Variants in NPFFR2 observed in about 807,000 individuals in gnomAD.
NPFFR2 encodes the protein G-protein coupled receptor 74.
A neutral mutation model predicts 13.1 loss-of-function variants in NPFFR2; 15 were observed. That is an observed-to-expected ratio of 1.15 (90% CI 0.77 to 1.76). The LOEUF is 1.76. NPFFR2 is among the 40% of genes most tolerant of loss of function. The pLI, the probability that NPFFR2 is intolerant of heterozygous loss-of-function variation, is 0.00. For missense variants in NPFFR2, 572 were observed against 503.5 expected (o/e 1.14, Z -1.30); for synonymous variants, 190 against 175.7 (o/e 1.08, Z -0.65).
At chr4:72,145,265 A>AT (rs5859303) in intron 3 of NPFFR2, among the ~76,000 whole-genome samples, 73,768 of 148,456 alleles carry the variant, frequency 0.5, 21,202 homozygotes, top group African/African-American at 0.78. Context: ...AAGTACATAT[A>AT]TTGTTATAAA....
chr4:72,124,534 G>T (rs2109830684), intron 1 of NPFFR2, among the ~76,000 whole-genome samples: 1 of 152,194 alleles, frequency 6.6e-6, no homozygotes, highest in South Asian at 2.1e-4. Flanking sequence ...TTACAGTACG[G>T]TTTGGTACCA....
chr4:72,119,527 A>C (rs1338554401), intron 1 of NPFFR2, among the ~76,000 whole-genome samples: 1 of 152,200 alleles, frequency 6.6e-6, no homozygotes, highest in Non-Finnish European at 1.5e-5. Flanking sequence ...TGCAGCTCCC[A>C]GCGAGATCAA....
At chr4:72,139,330 G>A (rs1722521581) in intron 3 of NPFFR2, among the ~76,000 whole-genome samples, 1 of 152,106 alleles carries the variant, frequency 6.6e-6, no homozygotes, top group Non-Finnish European at 1.5e-5. Context: ...TGAAGTCCTT[G>A]CCCATTCCTA....
chr4:72,111,023 C>T (rs900938630), intron 1 of NPFFR2, among the ~76,000 whole-genome samples: 7 of 151,890 alleles, frequency 4.6e-5, no homozygotes, highest in Admixed American at 3.9e-4. Context: ...ATTCTGTAAG[C>T]GATAATTTTT....
chr4:72,103,672 A>G (rs1721324385), intron 1 of NPFFR2, among the ~76,000 whole-genome samples: 1 of 152,074 alleles, frequency 6.6e-6, no homozygotes, highest in African/African-American at 2.4e-5. Context: ...AAGGCAATAA[A>G]CTTTCCTTTA....
At chr4:72,034,240 A>G (rs189063974) in intron 1 of NPFFR2, among the ~76,000 whole-genome samples, 123 of 152,364 alleles carry the variant, frequency 8.1e-4, no homozygotes, top group African/African-American at 2.9e-3. Flanking sequence ...TCATGCTGCT[A>G]TAAAGGACTG....
chr4:72,111,505 T>C (rs1163670145), intron 1 of NPFFR2, among the ~76,000 whole-genome samples: 1 of 151,958 alleles, frequency 6.6e-6, no homozygotes, highest in East Asian at 1.9e-4. Flanking sequence ...ACAGTTAACC[T>C]TCAGGGACTG....
chr4:72,092,484 G>A (rs538345821), intron 1 of NPFFR2, among the ~76,000 whole-genome samples: 1 of 152,090 alleles, frequency 6.6e-6, no homozygotes, highest in South Asian at 2.1e-4. Context: ...CATTTCTTAG[G>A]TTTAATAGTA....
At chr4:72,136,469 C>T (rs1192255532) in intron 2 of NPFFR2, among the ~76,000 whole-genome samples, 4 of 152,128 alleles carry the variant, frequency 2.6e-5, no homozygotes, top group African/African-American at 4.8e-5. Context: ...TGAGGCATAG[C>T]GTGGCTGCCT....
chr4:72,127,491 G>A (rs1277512474), intron 1 of NPFFR2, among the ~76,000 whole-genome samples: 1 of 142,190 alleles, frequency 7.0e-6, no homozygotes, highest in Non-Finnish European at 1.5e-5. Flanking sequence ...AGCCTCCCGA[G>A]TAGCTGGGAC....
chr4:72,097,171 G>A (rs1721098412), intron 1 of NPFFR2, among the ~76,000 whole-genome samples: 1 of 151,742 alleles, frequency 6.6e-6, no homozygotes, highest in African/African-American at 2.4e-5. Flanking sequence ...TTCTACATAG[G>A]GCAAACTTTT....
At chr4:72,131,519 C>T (rs948613051) in intron 2 of NPFFR2, among the ~76,000 whole-genome samples, 6 of 151,444 alleles carry the variant, frequency 4.0e-5, no homozygotes, top group Admixed American at 2.6e-4. Flanking sequence ...GTGGGTGCAG[C>T]GCACCAGCAT....
chr4:72,130,073 A>T (rs959935919), intron 2 of NPFFR2, among the ~76,000 whole-genome samples: 1 of 149,522 alleles, frequency 6.7e-6, no homozygotes, highest in Non-Finnish European at 1.5e-5. Context: ...AAGGTCATAG[A>T]TTAACAGAAT....
intron 1 of NPFFR2, among the ~76,000 whole-genome samples, chr4:72,063,125 A>T (rs760829558): frequency 5.9e-5 from 9 of 152,156 alleles, no homozygotes; most frequent in Non-Finnish European, 8.8e-5. Context: ...CATCTTTTTG[A>T]TGCTTTTTCT....
chr4:72,137,415 C>A (rs1173263583), intron 2 of NPFFR2, among the ~76,000 whole-genome samples: 1 of 151,998 alleles, frequency 6.6e-6, no homozygotes, highest in Non-Finnish European at 1.5e-5. Context: ...TTTACAGTAG[C>A]TAAGGTTTAG....
At chr4:72,058,766 G>A (rs1009095382) in intron 1 of NPFFR2, among the ~76,000 whole-genome samples, 5 of 151,956 alleles carry the variant, frequency 3.3e-5, no homozygotes, top group Non-Finnish European at 2.9e-5. Context: ...GACTTTTTCA[G>A]TATCATGTCT....
At chr4:72,138,412 GC>G in intron 3 of NPFFR2, among the ~76,000 whole-genome samples, 2 of 130,212 alleles carry the variant, frequency 1.5e-5, no homozygotes, top group East Asian at 4.4e-4. Context: ...CCCTGCCCCT[GC>G]CCCCCCACCC....
chr4:72,132,919 C>A (rs544651598), intron 2 of NPFFR2, among the ~76,000 whole-genome samples: 4 of 152,076 alleles, frequency 2.6e-5, no homozygotes, highest in Admixed American at 6.5e-5. Flanking sequence ...GCAAAGTTTG[C>A]AAAAATTTTC....
chr4:72,095,005 A>AT (rs1264794705), intron 1 of NPFFR2, among the ~76,000 whole-genome samples: 1 of 152,158 alleles, frequency 6.6e-6, no homozygotes, highest in Non-Finnish European at 1.5e-5. Context: ...TGTTTCCTAT[A>AT]TTTTGTACAA....
Sources: allele counts gnomAD v4.1 joint callset (sites outside exome capture counted in the v4.1 genomes callset), GRCh38; gene constraint gnomAD v4.1.1; transcripts MANE v1.5; gene names NCBI Gene and HGNC (gene_info 2026-07-23, HGNC 2026-07-21).